LRFN2: variants seen among roughly 807,000 people sequenced by gnomAD.
LRFN2 encodes the protein leucine-rich repeat and fibronectin type-III domain-containing protein 2.
In LRFN2, 18 loss-of-function variants were observed where a neutral mutation model predicts 37.3. The ratio of observed to expected loss-of-function variants is 0.48; its 90% confidence interval spans 0.33 to 0.72. The LOEUF (loss-of-function observed/expected upper bound fraction) is 0.72, where lower values mean the gene tolerates loss of function less well. Ranked by LOEUF, LRFN2 falls within the 30% of genes least tolerant of loss-of-function variation. The probability of loss-of-function intolerance (pLI) is 0.02; values close to 1 mark genes in which losing one functional copy is unlikely to be tolerated. For synonymous variants in LRFN2, 556 were observed against 466.6 expected (o/e 1.19, Z -2.47); for missense variants, 1,006 against 1,060.7 (o/e 0.95, Z 0.72).
chr6:40,467,909 A>G (rs1367155830), intron 1 of LRFN2, among the ~76,000 whole-genome samples: 1 of 152,104 alleles, frequency 6.6e-6, no homozygotes, highest in East Asian at 1.9e-4. Flanking sequence ...GTATGATGGA[A>G]GAGACCTAGT....
At chr6:40,570,001 C>T (rs1767159631) in intron 1 of LRFN2, among the ~76,000 whole-genome samples, 1 of 152,132 alleles carries the variant, frequency 6.6e-6, no homozygotes, top group African/African-American at 2.4e-5. Context: ...GAATGTCTCC[C>T]TTCCCCATCT....
intron 1 of LRFN2, among the ~76,000 whole-genome samples, chr6:40,535,484 G>C (rs771760159): frequency 3.3e-5 from 5 of 152,154 alleles, no homozygotes; most frequent in Non-Finnish European, 7.3e-5. Flanking sequence ...CTTGGGGGTG[G>C]TTGGAAACCC....
At chr6:40,464,655 T>C (rs756044048) in intron 1 of LRFN2, among the ~76,000 whole-genome samples, 1 of 152,236 alleles carries the variant, frequency 6.6e-6, no homozygotes, top group South Asian at 2.1e-4. Flanking sequence ...CACCCCTCAA[T>C]GTCCACCATT....
chr6:40,414,805 A>G (rs7759114), intron 2 of LRFN2, among the ~76,000 whole-genome samples: 64,970 of 152,118 alleles, frequency 0.43, 14,119 homozygotes, highest in Admixed American at 0.47. Context: ...CGTGACCACA[A>G]AGCTGAACAC....
At chr6:40,475,071 G>A (rs1764680318) in intron 1 of LRFN2, among the ~76,000 whole-genome samples, 1 of 152,176 alleles carries the variant, frequency 6.6e-6, no homozygotes, top group Admixed American at 6.5e-5. Flanking sequence ...CAGCCACAGT[G>A]CACCCCATAT....
chr6:40,417,951 G>A (rs1275429841), intron 2 of LRFN2, among the ~76,000 whole-genome samples: 2 of 152,036 alleles, frequency 1.3e-5, no homozygotes, highest in African/African-American at 4.8e-5. Flanking sequence ...TGCCTGCTGC[G>A]GTATATTCTC....
intron 1 of LRFN2, among the ~76,000 whole-genome samples, chr6:40,523,196 T>C (rs1040842375): frequency 6.6e-6 from 1 of 152,182 alleles, no homozygotes; most frequent in African/African-American, 2.4e-5. Flanking sequence ...GTGAAGGTCC[T>C]TGCCACACAG....
At chr6:40,540,218 G>T (rs1285191219) in intron 1 of LRFN2, among the ~76,000 whole-genome samples, 1 of 152,176 alleles carries the variant, frequency 6.6e-6, no homozygotes, top group East Asian at 1.9e-4. Context: ...ACTACTCAAA[G>T]TGTCACTGCA....
intron 1 of LRFN2, among the ~76,000 whole-genome samples, chr6:40,522,929 G>C (rs1162511060): frequency 6.6e-6 from 1 of 152,212 alleles, no homozygotes; most frequent in Non-Finnish European, 1.5e-5. Flanking sequence ...CAGTGGATGT[G>C]AATGCACCTG....
At chr6:40,421,669 G>C (rs777367456) in intron 2 of LRFN2, among the ~76,000 whole-genome samples, 9 of 152,294 alleles carry the variant, frequency 5.9e-5, no homozygotes, top group South Asian at 4.1e-4. Context: ...AATTCCAAAA[G>C]AGAGGAGGGT....
intron 1 of LRFN2, among the ~76,000 whole-genome samples, chr6:40,484,699 A>G (rs1407745984): frequency 1.3e-5 from 2 of 152,262 alleles, no homozygotes; most frequent in Admixed American, 6.5e-5. Context: ...CTGCCCACCC[A>G]TCATCCAGGC....
chr6:40,462,862 G>A (rs1254767450), intron 1 of LRFN2, among the ~76,000 whole-genome samples: 1 of 152,196 alleles, frequency 6.6e-6, no homozygotes, highest in Non-Finnish European at 1.5e-5. Flanking sequence ...ATGTACCCTT[G>A]CCTAGTAATA....
At chr6:40,471,100 G>A (rs1373303147) in intron 1 of LRFN2, among the ~76,000 whole-genome samples, 2 of 152,152 alleles carry the variant, frequency 1.3e-5, no homozygotes, top group East Asian at 3.9e-4. Flanking sequence ...GGCTGAGGGG[G>A]CCAGGGGCCC....
intron 2 of LRFN2, among the ~76,000 whole-genome samples, chr6:40,402,813 T>C (rs970357988): frequency 1.3e-5 from 2 of 152,220 alleles, no homozygotes; most frequent in Non-Finnish European, 2.9e-5. Context: ...CATAGCTAAT[T>C]AGAGCCAGAA....
At chr6:40,485,368 G>T (rs1231565834) in intron 1 of LRFN2, among the ~76,000 whole-genome samples, 1 of 152,188 alleles carries the variant, frequency 6.6e-6, no homozygotes. Context: ...AGAGTGGCCA[G>T]CCTGGAAGCC....
At chr6:40,481,510 C>T (rs1259761234) in intron 1 of LRFN2, among the ~76,000 whole-genome samples, 1 of 150,840 alleles carries the variant, frequency 6.6e-6, no homozygotes, top group Admixed American at 6.6e-5. Flanking sequence ...GTCCCTGGTT[C>T]AGAATTTCAT....
At chr6:40,455,926 C>G (rs1166984178) in intron 1 of LRFN2, among the ~76,000 whole-genome samples, 3 of 152,200 alleles carry the variant, frequency 2.0e-5, no homozygotes, top group Non-Finnish European at 4.4e-5. Context: ...TCAGCCCTTG[C>G]TGAAGTCATG....
chr6:40,515,717 C>T (rs542188177), intron 1 of LRFN2, among the ~76,000 whole-genome samples: 1 of 152,034 alleles, frequency 6.6e-6, no homozygotes, highest in African/African-American at 2.4e-5. Flanking sequence ...GGTGAAACCC[C>T]GTCTCTACTA....
intron 1 of LRFN2, among the ~76,000 whole-genome samples, chr6:40,499,869 T>C (rs898461083): frequency 2.0e-5 from 3 of 152,232 alleles, no homozygotes; most frequent in Admixed American, 6.5e-5. Context: ...TGAAAACCTT[T>C]CTGTGCCTCA....
Sources: allele counts gnomAD v4.1 joint callset (sites outside exome capture counted in the v4.1 genomes callset), GRCh38; gene constraint gnomAD v4.1.1; transcripts MANE v1.5; gene names NCBI Gene and HGNC (gene_info 2026-07-23, HGNC 2026-07-21).